The following MYT1L variants were observed in gnomAD, a reference collection of about 807,000 sequenced individuals.
MYT1L encodes the protein myelin transcription factor 1 like, also known as myelin transcription factor 1-like protein.
Under a neutral mutation model 126.7 loss-of-function variants are expected in MYT1L, and 12 were observed. The observed-to-expected ratio is 0.09, with a 90% CI of 0.06 to 0.15. The LOEUF (loss-of-function observed/expected upper bound fraction) is 0.15, where lower values mean the gene tolerates loss of function less well. Ranked by LOEUF, MYT1L falls within the 10% of genes least tolerant of loss-of-function variation. The pLI is 1.00. For synonymous variants in MYT1L, 541 were observed against 604.2 expected, an observed-to-expected ratio of 0.90 and a Z score of 1.53; for missense variants, 979 against 1,585.2, an observed-to-expected ratio of 0.62 and a Z score of 6.49.
chr2:2,221,923 C>T (rs547805089), intron 2 of MYT1L, among the ~76,000 whole-genome samples: 10 of 152,246 alleles, frequency 6.6e-5, no homozygotes, highest in South Asian at 2.1e-4. Flanking sequence ...CTGCTGAAGC[C>T]GCCTTCCTGT....
At chr2:2,161,777 C>T (rs930805119) in intron 3 of MYT1L, among the ~76,000 whole-genome samples, 1 of 152,142 alleles carries the variant, frequency 6.6e-6, no homozygotes, top group African/African-American at 2.4e-5. Flanking sequence ...TGGGCAGGAA[C>T]TCTGCATTAA....
Position 1,801,969 on chromosome 2 carries a change from C to T in MYT1L, c.3173-170G>A, listed in dbSNP as rs1408947255. 1.8e-6 allele frequency: 1 copy of T among 559,102 alleles called. No individual in the cohort carries two copies. Among genetic ancestry groups the T allele is most frequent in the Non-Finnish European group, 3.1e-6 (1 of 319,752 alleles). The allele number at this position is 559,102 out of a possible 1,614,324, so 34.6% of individuals were successfully genotyped here. A position where few individuals can be genotyped will look rare whatever the true frequency, so the allele number is the denominator to read the frequency against. On this transcript the variant is annotated intron_variant, in intron 22 of 24. Coordinates refer to ENST00000647738, the MANE Select transcript of MYT1L (RefSeq NM_001303052.2). This position sits in a 1 kb window ranked among gnomAD's most constrained non-coding sequence, Gnocchi z 4.2. ...CACAATCTCTGTGTCTTTCTATTCC[C>T]TACCACCGCCCCTTCCCCACCTAAG...
At chr2:2,325,226 G>A (rs2096230241) in intron 1 of MYT1L, 1 of 152,112 alleles carries the variant, frequency 6.6e-6, no homozygotes, top group Non-Finnish European at 1.5e-5. Flanking sequence ...AAAACAAAAA[G>A]AGGTTCCAAA....
chr2:1,850,411 C>T (rs2043117850), intron 19 of MYT1L, among the ~76,000 whole-genome samples: 1 of 152,132 alleles, frequency 6.6e-6, no homozygotes, highest in African/African-American at 2.4e-5. Flanking sequence ...GCACTGTTTC[C>T]CATACAGGGA....
chr2:2,051,463 C>T (rs1028211703), intron 4 of MYT1L, among the ~76,000 whole-genome samples: 3 of 152,158 alleles, frequency 2.0e-5, no homozygotes, highest in East Asian at 1.9e-4. Flanking sequence ...GTACCTAATA[C>T]GGCCCAGGAA....
At chr2:2,080,397 A>C (rs1220633947) in intron 3 of MYT1L, among the ~76,000 whole-genome samples, 2 of 152,240 alleles carry the variant, frequency 1.3e-5, no homozygotes, top group East Asian at 3.8e-4. Flanking sequence ...AACAACAAAA[A>C]GAACAAGAAT....
intron 4 of MYT1L, among the ~76,000 whole-genome samples, chr2:2,045,282 T>C (rs952478399): frequency 2.0e-5 from 3 of 152,230 alleles, no homozygotes; most frequent in Non-Finnish European, 4.4e-5. Context: ...TATCACAGTT[T>C]CTGGGGCAGG....
chr2:2,080,265 G>A (rs112842919), intron 3 of MYT1L, among the ~76,000 whole-genome samples: 1,817 of 152,016 alleles, frequency 0.012, 16 homozygotes, highest in Non-Finnish European at 0.017. Flanking sequence ...GTTAGGTGAC[G>A]GCATCTTAAA....
intron 2 of MYT1L, among the ~76,000 whole-genome samples, chr2:2,225,963 G>A (rs1368535814): frequency 6.6e-6 from 1 of 152,158 alleles, no homozygotes; most frequent in Non-Finnish European, 1.5e-5. Context: ...AGGGTGGAAT[G>A]GGGACATGGA....
At chr2:2,237,834 C>T (rs538685051) in intron 2 of MYT1L, among the ~76,000 whole-genome samples, 1 of 152,280 alleles carries the variant, frequency 6.6e-6, no homozygotes, top group African/African-American at 2.4e-5. Context: ...CCTCATTGGG[C>T]AGCTGGGGTC....
At chr2:1,941,565 T>C (rs71442312) in intron 9 of MYT1L, among the ~76,000 whole-genome samples, 4,413 of 152,276 alleles carry the variant, frequency 0.029, 92 homozygotes, top group Non-Finnish European at 0.046. Flanking sequence ...ATAGCGATGA[T>C]GGTAAGTCTG....
intron 21 of MYT1L, among the ~76,000 whole-genome samples, chr2:1,823,254 G>A (rs762278036): frequency 1.2e-4 from 19 of 152,322 alleles, no homozygotes; most frequent in African/African-American, 2.2e-4. Context: ...TGTTATAGTC[G>A]TGGTGGTTGT....
intron 1 of MYT1L, among the ~76,000 whole-genome samples, chr2:2,327,764 A>G (rs1371384629): frequency 6.6e-6 from 1 of 152,228 alleles, no homozygotes; most frequent in East Asian, 1.9e-4. Context: ...GTAAGTGCAA[A>G]GCAGAGTGGT....
At chr2:2,011,584 G>GA (rs1405901428) in intron 4 of MYT1L, among the ~76,000 whole-genome samples, 6 of 151,746 alleles carry the variant, frequency 4.0e-5, no homozygotes, top group African/African-American at 1.2e-4. Flanking sequence ...CCACAAAAGT[G>GA]AAAAAAACAA....
chr2:1,891,321 A>T (rs983955891), intron 15 of MYT1L, among the ~76,000 whole-genome samples: 3 of 152,166 alleles, frequency 2.0e-5, no homozygotes, highest in African/African-American at 7.2e-5. Context: ...CTCCTCTGAG[A>T]ACACAATCTG....
chr2:2,106,707 C>G (rs778677187), intron 3 of MYT1L, among the ~76,000 whole-genome samples: 5 of 152,140 alleles, frequency 3.3e-5, no homozygotes, highest in Non-Finnish European at 5.9e-5. Flanking sequence ...GACTTGAACA[C>G]CAGACACAAG....
chr2:2,135,973 C>T (rs1336352507), intron 3 of MYT1L, among the ~76,000 whole-genome samples: 1 of 152,134 alleles, frequency 6.6e-6, no homozygotes, highest in African/African-American at 2.4e-5. Flanking sequence ...TGAAACCAAC[C>T]CAAATGTTCA....
chr2:1,967,473 C>G (rs1026278990), intron 8 of MYT1L, among the ~76,000 whole-genome samples: 1 of 152,188 alleles, frequency 6.6e-6, no homozygotes, highest in African/African-American at 2.4e-5. Flanking sequence ...TGGTTCAGCC[C>G]CGGAATCTCC....
chr2:2,016,323 T>C (rs972241206), intron 4 of MYT1L, among the ~76,000 whole-genome samples: 1 of 152,108 alleles, frequency 6.6e-6, no homozygotes, highest in Admixed American at 6.6e-5. Context: ...AAGTGGCTGT[T>C]TCAGGAAGAC....
Sources: allele counts gnomAD v4.1 joint callset (sites outside exome capture counted in the v4.1 genomes callset), GRCh38; gene constraint gnomAD v4.1.1; non-coding constraint Gnocchi (gnomAD v3.1); transcripts MANE v1.5; gene names NCBI Gene and HGNC (gene_info 2026-07-23, HGNC 2026-07-21).